The following PRKCB variants were observed in gnomAD, a reference collection of about 807,000 sequenced individuals.
The protein encoded by PRKCB is protein kinase C beta type.
PRKCB carries 13 observed loss-of-function variants against 81.5 expected under a neutral mutation model. The observed-to-expected ratio is 0.16, with a 90% confidence interval of 0.10 to 0.25. PRKCB has a LOEUF of 0.25. Ranked by LOEUF, PRKCB falls within the 10% of genes least tolerant of loss-of-function variation. The probability of loss-of-function intolerance (pLI) is 1.00; values close to 1 mark genes in which losing one functional copy is unlikely to be tolerated. For synonymous variants in PRKCB, 335 were observed against 321.4 expected (o/e 1.04, Z -0.45); for missense variants, 509 against 875.7 (o/e 0.58, Z 5.29).
chr16:24,206,182 T>TC (rs1440832889), intron 16 of PRKCB, among the ~76,000 whole-genome samples: 1 of 152,212 alleles, frequency 6.6e-6, no homozygotes, highest in East Asian at 1.9e-4. Context: ...TCTCTTTTTT[T>TC]CTGCCAAAAC....
At chr16:23,855,748 T>G (rs956799803) in intron 2 of PRKCB, among the ~76,000 whole-genome samples, 1 of 152,176 alleles carries the variant, frequency 6.6e-6, no homozygotes, top group Non-Finnish European at 1.5e-5. Context: ...CAAAGCCAAT[T>G]CCATGGCTGG....
At chr16:24,042,159 C>T (rs1370658778) in intron 5 of PRKCB, among the ~76,000 whole-genome samples, 5 of 151,860 alleles carry the variant, frequency 3.3e-5, no homozygotes, top group African/African-American at 1.2e-4. Context: ...GTAATATTGC[C>T]CAGCCATGCG....
chr16:23,922,331 G>T (rs1963837302), intron 2 of PRKCB, among the ~76,000 whole-genome samples: 1 of 152,156 alleles, frequency 6.6e-6, no homozygotes, highest in South Asian at 2.1e-4. Flanking sequence ...TCCTCTGTTG[G>T]AATATGATCC....
chr16:24,208,501 C>T (rs1968082435), intron 16 of PRKCB: 1 of 152,272 alleles, frequency 6.6e-6, no homozygotes, highest in African/African-American at 2.4e-5. Context: ...TACTCCTCTC[C>T]TTAATCCTGA....
chr16:23,855,011 A>G (rs980368559), intron 2 of PRKCB, among the ~76,000 whole-genome samples: 2 of 152,220 alleles, frequency 1.3e-5, no homozygotes, highest in African/African-American at 4.8e-5. Context: ...GCAACACTGA[A>G]TACTACCACC....
At chr16:24,004,886 G>A (rs938058560) in intron 3 of PRKCB, among the ~76,000 whole-genome samples, 2 of 152,126 alleles carry the variant, frequency 1.3e-5, no homozygotes, top group African/African-American at 4.8e-5. Flanking sequence ...TAAATGCATA[G>A]ATTTATCTAG....
At chr16:24,152,697 T>C (rs1274186740) in intron 9 of PRKCB, among the ~76,000 whole-genome samples, 1 of 152,026 alleles carries the variant, frequency 6.6e-6, no homozygotes, top group Non-Finnish European at 1.5e-5. Context: ...TTAGTAAGCA[T>C]TGAGGAAGGA....
intron 5 of PRKCB, among the ~76,000 whole-genome samples, chr16:24,068,059 G>A (rs905691097): frequency 3.3e-5 from 5 of 151,998 alleles, no homozygotes; most frequent in African/African-American, 1.2e-4. Context: ...TATAGCCTTC[G>A]TAAGGTTTGT....
chr16:24,096,666 AATATATATATAT>A (rs58341820), intron 7 of PRKCB, among the ~76,000 whole-genome samples: 412 of 32,684 alleles, frequency 0.013, 13 homozygotes, highest in African/African-American at 0.018. Context: ...AAAAAAAAAA[AATATATATATAT>A]ATATATATAT....
At chr16:23,862,640 G>C (rs1280110245) in intron 2 of PRKCB, among the ~76,000 whole-genome samples, 1 of 152,130 alleles carries the variant, frequency 6.6e-6, no homozygotes, top group African/African-American at 2.4e-5. Flanking sequence ...CTATGGAAAG[G>C]TTGGGTCTAG....
chr16:23,956,336 G>A (rs1964349097), intron 2 of PRKCB, among the ~76,000 whole-genome samples: 1 of 151,934 alleles, frequency 6.6e-6, no homozygotes, highest in Non-Finnish European at 1.5e-5. Flanking sequence ...TGTTGCCCAG[G>A]CTAGTAACTT....
At chr16:24,197,659 G>A (rs1293374021) in intron 16 of PRKCB, among the ~76,000 whole-genome samples, 4 of 152,184 alleles carry the variant, frequency 2.6e-5, no homozygotes, top group Non-Finnish European at 5.9e-5. Context: ...AAATCAGGGA[G>A]ACTGGTTGAG....
At chr16:23,836,891 T>G (rs1461716348) in intron 1 of PRKCB, among the ~76,000 whole-genome samples, 2 of 151,860 alleles carry the variant, frequency 1.3e-5, no homozygotes, top group Admixed American at 1.3e-4. Flanking sequence ...CCCGAGGGCC[T>G]GGGTTCCCCT....
At chr16:24,138,038 G>A (rs941077124) in intron 9 of PRKCB, among the ~76,000 whole-genome samples, 6 of 152,184 alleles carry the variant, frequency 3.9e-5, no homozygotes, top group Non-Finnish European at 8.8e-5. Flanking sequence ...AGTGGGTGCT[G>A]TTATTATCTG....
intron 3 of PRKCB, among the ~76,000 whole-genome samples, chr16:23,999,400 T>C (rs1427108644): frequency 6.6e-6 from 1 of 152,236 alleles, no homozygotes; most frequent in Non-Finnish European, 1.5e-5. Context: ...CTGTTGGCAT[T>C]ATCCTACAGC....
At chr16:24,004,068 A>C (rs980320545) in intron 3 of PRKCB, among the ~76,000 whole-genome samples, 1 of 152,198 alleles carries the variant, frequency 6.6e-6, no homozygotes, top group Admixed American at 6.5e-5. Context: ...CAACAAAGAA[A>C]ATTATGATCA....
chr16:23,913,009 G>A (rs951048230), intron 2 of PRKCB, among the ~76,000 whole-genome samples: 4 of 151,922 alleles, frequency 2.6e-5, no homozygotes, highest in African/African-American at 7.3e-5. Context: ...ATTTTTTATA[G>A]AGACTGGTCT....
At chr16:24,197,727 G>T (rs1362742308) in intron 16 of PRKCB, among the ~76,000 whole-genome samples, 1 of 152,120 alleles carries the variant, frequency 6.6e-6, no homozygotes, top group Non-Finnish European at 1.5e-5. Context: ...GGGGCTGTTT[G>T]AGAACCCCCA....
intron 3 of PRKCB, among the ~76,000 whole-genome samples, chr16:24,019,371 C>T (rs1965329289): frequency 6.6e-6 from 1 of 152,008 alleles, no homozygotes; most frequent in Non-Finnish European, 1.5e-5. Flanking sequence ...AGAAAGGATA[C>T]ACACTTAACT....
Sources: allele counts gnomAD v4.1 joint callset (sites outside exome capture counted in the v4.1 genomes callset), GRCh38; gene constraint gnomAD v4.1.1; transcripts MANE v1.5; gene names NCBI Gene and HGNC (gene_info 2026-07-23, HGNC 2026-07-21).